The following RASGEF1C variants were observed in gnomAD, a reference collection of about 807,000 sequenced individuals.
RASGEF1C encodes ras-GEF domain-containing family member 1C.
In RASGEF1C, 27 loss-of-function variants were observed where a neutral mutation model predicts 58.1. The observed-to-expected ratio is 0.46, with a 90% CI of 0.34 to 0.64. RASGEF1C has a LOEUF of 0.64. Ranked by LOEUF, RASGEF1C falls within the 30% of genes least tolerant of loss-of-function variation. The pLI is 0.01. For missense variants in RASGEF1C, 502 were observed against 605.1 expected (o/e 0.83, Z 1.79); for synonymous variants, 243 against 246.3 (o/e 0.99, Z 0.13).
intron 1 of RASGEF1C, among the ~76,000 whole-genome samples, chr5:180,183,256 A>G (rs887788792): frequency 2.6e-5 from 4 of 152,198 alleles, no homozygotes; most frequent in Non-Finnish European, 4.4e-5. Context: ...GATGAGACCC[A>G]AGCCCCACAC....
chr5:180,191,388 G>A (rs13157590), intron 1 of RASGEF1C, among the ~76,000 whole-genome samples: 98,596 of 151,644 alleles, frequency 0.65, 34,100 homozygotes, highest in East Asian at 0.86. Flanking sequence ...ACGGAGTCTA[G>A]CTCTGTCGCC....
At chr5:180,153,135 G>A (rs1401277849) in intron 1 of RASGEF1C, among the ~76,000 whole-genome samples, 1 of 152,076 alleles carries the variant, frequency 6.6e-6, no homozygotes, top group Admixed American at 6.6e-5. Flanking sequence ...GGGAGGTAGT[G>A]GGGAATTTAA....
intron 4 of RASGEF1C, among the ~76,000 whole-genome samples, chr5:180,134,306 C>G (rs1020098074): frequency 2.0e-5 from 3 of 152,040 alleles, no homozygotes; most frequent in African/African-American, 7.2e-5. Flanking sequence ...CCAGTCCACA[C>G]TACACAGCCT....
At chr5:180,179,965 G>C (rs562198664) in intron 1 of RASGEF1C, among the ~76,000 whole-genome samples, 1 of 152,304 alleles carries the variant, frequency 6.6e-6, no homozygotes, top group South Asian at 2.1e-4. Context: ...AGAAAGAAAA[G>C]CACAAAGGAA....
intron 1 of RASGEF1C, among the ~76,000 whole-genome samples, chr5:180,176,051 AT>A (rs1337492390): frequency 9.9e-5 from 15 of 152,250 alleles, no homozygotes; most frequent in African/African-American, 3.4e-4. Context: ...ACAATGCTGC[AT>A]TACTGTGTTC....
chr5:180,110,392 C>CTTTTTT (rs67020657), intron 12 of RASGEF1C, among the ~76,000 whole-genome samples: 5 of 132,252 alleles, frequency 3.8e-5, no homozygotes, highest in Non-Finnish European at 4.7e-5. Flanking sequence ...ATCCTTCTCC[C>CTTTTTT]TTTTTTTTTT....
In RASGEF1C at chr5:180,101,108, C is replaced by G. The variant is rs892039255; in HGVS notation, c.*393G>C. 1 of 212,644 alleles carries G rather than the reference C, an allele frequency of 4.7e-6. No individual in the cohort carries two copies. Among genetic ancestry groups the G allele is most frequent in the Non-Finnish European group, 9.4e-6 (1 of 106,886 alleles). 13.2% of individuals were successfully genotyped at this position (212,644 alleles called of 1,614,324 possible). A position where few individuals can be genotyped will look rare whatever the true frequency, so the allele number is the denominator to read the frequency against. ...TGTGGCTCCAGAAGTTCCCAAGCCA[C>G]GTGGTGACAGACTGTGGGTGGTGGC... On this transcript the variant is annotated 3_prime_UTR_variant, in exon 14 of 14. Coordinates refer to ENST00000361132, the MANE Select transcript of RASGEF1C (RefSeq NM_175062.4).
In RASGEF1C at chr5:180,177,898, C is replaced by T. The variant is rs980930793; in HGVS notation, c.-7+31130G>A. ...GTGAAAGGGGCCCACATGGAGGAAA[C>T]GGAGCCAAGACTCACAGAGACCGAG... On this transcript the variant is annotated intron_variant, in intron 1 of 13. Transcript: ENST00000361132. This position sits in a 1 kb window ranked among gnomAD's most constrained non-coding sequence, Gnocchi z 5.0. 2.6e-5 allele frequency among the ~76,000 whole-genome samples: 4 copies of T among 151,828 alleles called. No individual in the cohort carries two copies. The highest frequency in any genetic ancestry group is 2.0e-4 in the Admixed American group (3 of 15,252).
chr5:180,175,492 C>T (rs547821499), intron 1 of RASGEF1C, among the ~76,000 whole-genome samples: 1 of 152,320 alleles, frequency 6.6e-6, no homozygotes, highest in Non-Finnish European at 1.5e-5. Flanking sequence ...AAGAGCCCGG[C>T]CTTGGGCTCA....
chr5:180,188,965 G>C (rs79550004), intron 1 of RASGEF1C, among the ~76,000 whole-genome samples: 2,373 of 152,164 alleles, frequency 0.016, 64 homozygotes, highest in African/African-American at 0.055. Context: ...AAGAAAGAAA[G>C]AAACAAAAGG....
In RASGEF1C at chr5:180,136,685, A is replaced by AG. The variant is rs139921603; in HGVS notation, c.301-171dup. 5,066 of 657,496 alleles carry AG rather than the reference A, an allele frequency of 7.7e-3. 205 individuals are homozygous for AG. In the African/African-American group the frequency reaches 0.084, roughly 11 times the overall value. 40.7% of individuals were successfully genotyped at this position (657,496 alleles called of 1,614,324 possible). A position where few individuals can be genotyped will look rare whatever the true frequency, so the allele number is the denominator to read the frequency against. Reference sequence around the variant, plus strand: ...CCTGCTCTGCGCCCACGGGGAGAGGAGGGGGGACGGACACATTTCTGGGCA... The same window carrying AG: ...CCTGCTCTGCGCCCACGGGGAGAGGAGGGGGGGACGGACACATTTCTGGGCA... On this transcript the variant is annotated intron_variant, in intron 3 of 13. Coordinates refer to ENST00000361132, the MANE Select transcript of RASGEF1C (RefSeq NM_175062.4).
rs1187829324 is a variant in RASGEF1C, at chr5:180,163,254, C to CTTTTTTTTTTTTTTTTTTTTT, written c.-6-25197_-6-25196insAAAAAAAAAAAAAAAAAAAAA. On this transcript the variant is annotated intron_variant, in intron 1 of 13. Coordinates refer to ENST00000361132, the MANE Select transcript of RASGEF1C (RefSeq NM_175062.4). ...CACTTTTTTTTTTTTTTTTTTTTTC[C>CTTTTTTTTTTTTTTTTTTTTT]AGCCTATTGCACTGGCTAGGACTTC... Among the ~76,000 whole-genome samples the CTTTTTTTTTTTTTTTTTTTTT allele has an allele frequency of 6.5e-3, 464 of 71,010 alleles. 114 individuals are homozygous for CTTTTTTTTTTTTTTTTTTTTT. Among genetic ancestry groups the CTTTTTTTTTTTTTTTTTTTTT allele is most frequent in the African/African-American group, 9.4e-3 (150 of 15,958 alleles). 46.6% of individuals were successfully genotyped at this position (71,010 alleles called of 152,430 possible).
chr5:180,109,781 A>G (rs542906947), intron 12 of RASGEF1C, among the ~76,000 whole-genome samples: 2 of 152,330 alleles, frequency 1.3e-5, no homozygotes, highest in African/African-American at 4.8e-5. Context: ...TGGCCATTAG[A>G]AGTTGAAAAG....
intron 1 of RASGEF1C, among the ~76,000 whole-genome samples, chr5:180,181,956 C>G (rs557544785): frequency 1.2e-3 from 189 of 151,268 alleles, no homozygotes; most frequent in Non-Finnish European, 2.1e-3. Context: ...GTAATCCTAG[C>G]ACTTTGGGAG....
At chr5:180,173,672 T>G (rs893502052) in intron 1 of RASGEF1C, among the ~76,000 whole-genome samples, 5 of 151,562 alleles carry the variant, frequency 3.3e-5, no homozygotes, top group African/African-American at 1.2e-4. Context: ...CCCAGCACTT[T>G]GGGAGGCCAA....
intron 1 of RASGEF1C, among the ~76,000 whole-genome samples, chr5:180,170,143 G>A (rs1175653617): frequency 6.6e-6 from 1 of 152,238 alleles, no homozygotes; most frequent in Non-Finnish European, 1.5e-5. Flanking sequence ...ACTAGAGCAG[G>A]TTTCAGCAAA....
chr5:180,110,473 G>A (rs1765940783), intron 12 of RASGEF1C, among the ~76,000 whole-genome samples: 2 of 142,044 alleles, frequency 1.4e-5, no homozygotes, highest in South Asian at 4.5e-4. Context: ...TTGCTGTGAT[G>A]AGAAGCCAGG....
intron 1 of RASGEF1C, among the ~76,000 whole-genome samples, chr5:180,180,445 G>A (rs1417213647): frequency 1.3e-5 from 2 of 152,240 alleles, no homozygotes; most frequent in Non-Finnish European, 2.9e-5. Context: ...GCTTTGGTTT[G>A]CAGTCAGACT....
intron 6 of RASGEF1C, among the ~76,000 whole-genome samples, chr5:180,126,224 G>A (rs745514255): frequency 1.0e-3 from 152 of 152,114 alleles, no homozygotes; most frequent in Non-Finnish European, 1.5e-3. Context: ...TGGCTTACAC[G>A]GTGAAACCCT....
Sources: gnomAD v4.1 joint callset for allele counts (sites outside exome capture counted in the v4.1 genomes callset) on GRCh38, gnomAD v4.1.1 for gene constraint, Gnocchi (gnomAD v3.1) non-coding constraint, MANE v1.5 for transcripts, NCBI Gene and HGNC (gene_info 2026-07-23, HGNC 2026-07-21) for gene names.